Variants in ORC3 observed in about 807,000 individuals in gnomAD.
ORC3 encodes the protein homolog of latheo, Drosophila.
A neutral mutation model predicts 100.7 loss-of-function variants in ORC3; 78 were observed. The observed-to-expected ratio is 0.77, with a 90% confidence interval of 0.65 to 0.94. The LOEUF is 0.94. ORC3 is among the 40% of genes least tolerant of loss of function. The pLI, the probability that ORC3 is intolerant of heterozygous loss-of-function variation, is 0.00. For missense variants in ORC3, 789 were observed against 823.9 expected (o/e 0.96, Z 0.52); for synonymous variants, 295 against 289.3 (o/e 1.02, Z -0.20).
intron 8 of ORC3, among the ~76,000 whole-genome samples, chr6:87,614,324 C>G (rs1778999625): frequency 6.6e-6 from 1 of 152,208 alleles, no homozygotes; most frequent in African/African-American, 2.4e-5. Context: ...CACGGGGACT[C>G]TGGGCCCAGC....
downstream of ORC3, chr6:87,667,527 G>C (rs1322019060): frequency 6.4e-6 from 1 of 156,782 alleles, no homozygotes; most frequent in Non-Finnish European, 1.4e-5. Context: ...CTTTAGTGTA[G>C]TAGGCAGTAA....
In ORC3 at chr6:87,590,203, G is replaced by T; in HGVS notation, c.24+11G>T. On this transcript the variant is annotated intron_variant, in intron 1 of 19. Transcript: ENST00000392844. Reference sequence around the variant, plus strand: ...TCCTCGATGTCTAAGGTATGTGGTGGCCGATGCGCACTGTGGCTCTACCGC... The same window carrying T: ...TCCTCGATGTCTAAGGTATGTGGTGTCCGATGCGCACTGTGGCTCTACCGC... 2 of 1,613,538 alleles carry T rather than the reference G, an allele frequency of 1.2e-6. No homozygotes were observed. The highest frequency in any genetic ancestry group is 4.5e-5 in the East Asian group (2 of 44,878).
intron 6 of ORC3, 39 bp downstream of exon 6, chr6:87,607,863 G>A (rs145418043): frequency 2.8e-5 from 42 of 1,473,940 alleles, no homozygotes; most frequent in African/African-American, 2.4e-4. Context: ...GGAAATTGAC[G>A]TATGATTGAT....
intron 13 of ORC3, among the ~76,000 whole-genome samples, chr6:87,649,668 C>T (rs571826229): frequency 6.6e-6 from 1 of 152,306 alleles, no homozygotes; most frequent in African/African-American, 2.4e-5. Context: ...ATCGCCTGAA[C>T]CCAGGAGGCA....
chr6:87,672,031 G>T (rs1422239382), downstream of ORC3, among the ~76,000 whole-genome samples: 1 of 152,114 alleles, frequency 6.6e-6, no homozygotes, highest in Non-Finnish European at 1.5e-5. Context: ...CAAGACAACA[G>T]GCCTAGTATT....
intron 2 of ORC3, 35 bp from the exon 3 acceptor site, chr6:87,601,749 A>G: frequency 8.2e-7 from 1 of 1,219,710 alleles, no homozygotes; most frequent in Non-Finnish European, 1.2e-6. Flanking sequence ...CTATTATATG[A>G]AAAAAGAAAC....
At chr6:87,607,084 T>C (rs1778396116) in intron 5 of ORC3, among the ~76,000 whole-genome samples, 1 of 152,018 alleles carries the variant, frequency 6.6e-6, no homozygotes, top group South Asian at 2.1e-4. Flanking sequence ...ATTCCTAAAA[T>C]TTATAGTTTG....
chr6:87,606,572 C>G (rs2128251049), intron 5 of ORC3, among the ~76,000 whole-genome samples: 1 of 151,900 alleles, frequency 6.6e-6, no homozygotes, highest in East Asian at 1.9e-4. Flanking sequence ...ACTCTGTTGC[C>G]TAGGCTGTAC....
At chr6:87,674,568 T>C in the ORC3 span, among the ~76,000 whole-genome samples, 2 of 149,504 alleles carry the variant, frequency 1.3e-5, no homozygotes. Flanking sequence ...GGTAATTCTA[T>C]AGCAATTAAA....
At chr6:87,649,329 T>G (rs1769057207) in intron 13 of ORC3, among the ~76,000 whole-genome samples, 1 of 152,234 alleles carries the variant, frequency 6.6e-6, no homozygotes, top group African/African-American at 2.4e-5. Context: ...ACCATCAATT[T>G]TAATCATCAT....
At position 87,601,794 on chromosome 6, in the gene ORC3, T is replaced by G. The variant is rs1029289566; in HGVS notation, c.90T>G (p.Phe30Leu). 1.9e-5 allele frequency: 31 copies of G among 1,596,642 alleles called. 1 individual carries two copies. The highest frequency in any genetic ancestry group is 2.7e-5 in the Non-Finnish European group (31 of 1,164,358). ...TCTTTCTGTTTTTAGAGGACTATTT[T>G]AACAAAGGGAAAAATGAGCCTGAGG... Reference protein sequence around the residue: ...RKISLPIEDYFNKGKNEPEDS... With the variant: ...RKISLPIEDYLNKGKNEPEDS... The change falls in exon 3 of 20, where the codon TTT becomes TTG. Residue 30 changes from phenylalanine (F) to leucine (L), a missense_variant. Transcript: ENST00000392844.
At chr6:87,662,057 ATTTG>A (rs979720945) in intron 16 of ORC3, among the ~76,000 whole-genome samples, 4 of 152,180 alleles carry the variant, frequency 2.6e-5, no homozygotes, top group African/African-American at 9.7e-5. Context: ...TTTATTAATG[ATTTG>A]TTTTTCAATA....
At chr6:87,639,813 C>G (rs1283289897) in intron 13 of ORC3, among the ~76,000 whole-genome samples, 1 of 134,108 alleles carries the variant, frequency 7.5e-6, no homozygotes, top group Non-Finnish European at 1.6e-5. Flanking sequence ...AACCCCCTCT[C>G]TGCCAAAAAT....
At position 87,641,615 on chromosome 6, in the gene ORC3, C is replaced by CT. The variant is rs542576539; in HGVS notation, c.1382+5131dup. Among the ~76,000 whole-genome samples, 364 of 152,236 alleles carry CT rather than the reference C, an allele frequency of 2.4e-3. 2 individuals carry two copies. The highest frequency in any genetic ancestry group is 8.4e-3 in the African/African-American group (350 of 41,554). On this transcript the variant is annotated intron_variant, in intron 13 of 19. Transcript: ENST00000392844. ...CCTTATGAGCTTGCAAAGAAACAGACTTACAAATCGAAGGTGATTGATAGC... is the reference window on the plus strand; with the variant it reads ...CCTTATGAGCTTGCAAAGAAACAGACTTTACAAATCGAAGGTGATTGATAGC...
In ORC3 at chr6:87,658,006, A is replaced by G. The variant is rs1769856415; in HGVS notation, c.1679A>G (p.Asp560Gly). 1.3e-6 allele frequency: 2 copies of G among 1,589,862 alleles called. No homozygotes were observed. The highest frequency in any genetic ancestry group is 1.1e-5 in the South Asian group (1 of 90,560). ...VLRENVVNFI[D>G]CLVREYLLPP... Reference sequence around the variant, plus strand: ...AGAGAAAATGTTGTGAACTTCATTGACTGTCTAGTGAGGTAAGTCTAAATT... The same window carrying G: ...AGAGAAAATGTTGTGAACTTCATTGGCTGTCTAGTGAGGTAAGTCTAAATT... Residue 560 changes from aspartate (D) to glycine (G), a missense_variant, in exon 16 of 20, where the codon GAC becomes GGC. Around this residue, in one of 3 missense-constraint regions of ORC3, gnomAD observed 366 missense variants for 394.2 expected, o/e 0.93. Coordinates refer to ENST00000392844, the MANE Select transcript of ORC3 (RefSeq NM_012381.4).
chr6:87,608,155 T>C (rs1247123693), intron 6 of ORC3, among the ~76,000 whole-genome samples: 15 of 152,202 alleles, frequency 9.9e-5, no homozygotes, highest in Admixed American at 9.8e-4. Flanking sequence ...TTTAGTATAT[T>C]ATCTCTTATG....
intron 9 of ORC3, among the ~76,000 whole-genome samples, chr6:87,620,612 A>C: frequency 6.6e-6 from 1 of 152,242 alleles, no homozygotes; most frequent in East Asian, 1.9e-4. Context: ...GAAAATACCA[A>C]ACTGGTCAAG....
chr6:87,618,194 A>G (rs763663629), intron 9 of ORC3, among the ~76,000 whole-genome samples: 1 of 152,178 alleles, frequency 6.6e-6, no homozygotes, highest in African/African-American at 2.4e-5. Context: ...GCAGATCATG[A>G]TATCAGGAGT....
In ORC3 at chr6:87,602,954, A is replaced by AATATATATATATATATATATATTAT. The variant is rs397935596; in HGVS notation, c.178-413_178-412insTATATTATATATATATATATATATA. Among the ~76,000 whole-genome samples the AATATATATATATATATATATATTAT allele has an allele frequency of 7.8e-4, 74 of 95,212 alleles. 1 individual carries two copies. Among genetic ancestry groups the AATATATATATATATATATATATTAT allele is most frequent in the African/African-American group, 2.8e-3 (67 of 23,734 alleles). 62.5% of individuals were successfully genotyped at this position (95,212 alleles called of 152,430 possible). A position where few individuals can be genotyped will look rare whatever the true frequency, so the allele number is the denominator to read the frequency against. On this transcript the variant is annotated intron_variant, in intron 3 of 19. Coordinates refer to ENST00000392844, the MANE Select transcript of ORC3 (RefSeq NM_012381.4). ...CGTTTATATATATATACACATATAT[A>AATATATATATATATATATATATTAT]ATATATATATATATATACATATATA...
Sources: gnomAD v4.1 joint callset for allele counts (sites outside exome capture counted in the v4.1 genomes callset) on GRCh38, gnomAD v4.1.1 for gene constraint, gnomAD v4.1.1 regional missense constraint, MANE v1.5 for transcripts, NCBI Gene and HGNC (gene_info 2026-07-23, HGNC 2026-07-21) for gene names.